SLC6A16: variants seen among roughly 807,000 people sequenced by gnomAD.
SLC6A16 encodes the protein solute carrier family 6 member 16.
In SLC6A16, 54 loss-of-function variants were observed where a neutral mutation model predicts 65.4. The observed-to-expected ratio is 0.83, with a 90% confidence interval of 0.66 to 1.04. SLC6A16 has a LOEUF of 1.04. SLC6A16 is among the 50% of genes least tolerant of loss of function. SLC6A16 has a pLI of 0.00. For synonymous variants in SLC6A16, 330 were observed against 346.5 expected, an observed-to-expected ratio of 0.95 and a Z score of 0.53; for missense variants, 816 against 914.0, an observed-to-expected ratio of 0.89 and a Z score of 1.38.
chr19:49,308,983 G>GGC lies in SLC6A16; in HGVS notation c.1120_1121dup (p.Phe375ProfsTer6). The GGC allele has an allele frequency of 6.2e-7, 1 of 1,614,200 alleles. No individual in the cohort carries two copies. The highest frequency in any genetic ancestry group is 1.1e-5 in the South Asian group (1 of 91,090). On this transcript the variant is annotated frameshift_variant, in exon 7 of 12. Coordinates refer to ENST00000335875, the MANE Select transcript of SLC6A16 (RefSeq NM_014037.3). LOFTEE classifies it high-confidence loss of function. ...GCAGGTTTATCACAGACACGAGAAA[G>GGC]GCATCACTGAGACAGTTGTTGGACT...
chr19:49,304,412 C>T (rs1359707317), intron 7 of SLC6A16, among the ~76,000 whole-genome samples: 2 of 152,216 alleles, frequency 1.3e-5, no homozygotes, highest in Non-Finnish European at 2.9e-5. Context: ...TTATCGATCT[C>T]TGTAGTCAAG....
At chr19:49,309,853 C>T (rs1423918267) in intron 4 of SLC6A16, 27 bp from the exon 5 acceptor site, 1 of 1,601,908 alleles carries the variant, frequency 6.2e-7, no homozygotes, top group Non-Finnish European at 8.5e-7. Context: ...TTAGACATGC[C>T]TGCTAGACAA....
chr19:49,312,148 C>T (rs1042299525), intron 1 of SLC6A16, among the ~76,000 whole-genome samples: 2 of 152,050 alleles, frequency 1.3e-5, no homozygotes, highest in Non-Finnish European at 2.9e-5. Flanking sequence ...TGAGCCACTG[C>T]ACCCAGCCTG....
intron 1 of SLC6A16, among the ~76,000 whole-genome samples, chr19:49,324,298 T>C: frequency 6.6e-6 from 1 of 152,150 alleles, no homozygotes; most frequent in East Asian, 1.9e-4. Flanking sequence ...GCCACTGCAC[T>C]CCAGCCTGGG....
chr19:49,317,714 G>T (rs1292146801), intron 1 of SLC6A16, among the ~76,000 whole-genome samples: 1 of 151,990 alleles, frequency 6.6e-6, no homozygotes. Context: ...GCTGTGGCAG[G>T]AGAATGGCGT....
the SLC6A16 span, among the ~76,000 whole-genome samples, chr19:49,333,565 G>T: frequency 6.6e-6 from 1 of 152,186 alleles, no homozygotes; most frequent in Non-Finnish European, 1.5e-5. Flanking sequence ...GTTTCAAAAA[G>T]ACCCCTCTGG....
Position 49,292,972 on chromosome 19 carries a change from A to C in SLC6A16, c.1778+251T>G, listed in dbSNP as rs1301127186. Among the ~76,000 whole-genome samples the C allele has an allele frequency of 6.6e-6, 1 of 152,198 alleles. No individual in the cohort carries two copies. The highest frequency in any genetic ancestry group is 2.4e-5 in the African/African-American group (1 of 41,438). ...TTGTCTCTCTAGACCACTAAAATGT[A>C]AGCTTTCTGAGAATAGGAATACTTC... On this transcript the variant is annotated intron_variant, in intron 10 of 11. Transcript: ENST00000335875. The surrounding 1 kb of genome is among the most constrained non-coding windows in gnomAD (Gnocchi z 4.3).
the SLC6A16 span, chr19:49,338,603 G>A: frequency 2.3e-6 from 2 of 870,320 alleles, no homozygotes; most frequent in East Asian, 4.9e-5. The surrounding 1 kb of genome is among the most constrained non-coding windows in gnomAD (Gnocchi z 5.0). Context: ...TTAGTCCCCT[G>A]CTCCCCGACC....
chr19:49,331,261 A>C, the SLC6A16 span, among the ~76,000 whole-genome samples: 1 of 152,026 alleles, frequency 6.6e-6, no homozygotes, highest in Non-Finnish European at 1.5e-5. Flanking sequence ...GCTCACTGCA[A>C]CTTCGATCTC....
chr19:49,334,358 C>T, the SLC6A16 span, among the ~76,000 whole-genome samples: 1 of 152,086 alleles, frequency 6.6e-6, no homozygotes, highest in Non-Finnish European at 1.5e-5. Context: ...TGGTGGTGTG[C>T]ACCTGTAGTC....
chr19:49,307,522 T>C (rs562575104), intron 7 of SLC6A16, among the ~76,000 whole-genome samples: 38 of 152,034 alleles, frequency 2.5e-4, no homozygotes, highest in Non-Finnish European at 4.3e-4. Context: ...ATGGTGGTTA[T>C]TTGTGAGGGT....
At chr19:49,309,237 T>G (rs1191675567) in intron 6 of SLC6A16, 64 bp downstream of exon 6, 1 of 1,572,650 alleles carries the variant, frequency 6.4e-7, no homozygotes, top group African/African-American at 1.4e-5. Flanking sequence ...GAAAGGAAGC[T>G]CTAAGAATAG....
intron 7 of SLC6A16, among the ~76,000 whole-genome samples, chr19:49,298,759 T>C (rs1164311378): frequency 6.6e-6 from 1 of 152,238 alleles, no homozygotes; most frequent in Non-Finnish European, 1.5e-5. Flanking sequence ...TGTACTCATA[T>C]GTTTATCACA....
Position 49,292,628 on chromosome 19 carries a change from C to T in SLC6A16, c.1778+595G>A, listed in dbSNP as rs774486400. Among the ~76,000 whole-genome samples the T allele has an allele frequency of 6.6e-6, 1 of 152,166 alleles. No individual in the cohort carries two copies. The highest frequency in any genetic ancestry group is 1.5e-5 in the Non-Finnish European group (1 of 68,042). Reference sequence around the variant, plus strand: ...TTGGCCACCATCACTTCTCTAGCCCCATCTCCTAATATCTTCTATTCCAGC... The same window carrying T: ...TTGGCCACCATCACTTCTCTAGCCCTATCTCCTAATATCTTCTATTCCAGC... On this transcript the variant is annotated intron_variant, in intron 10 of 11. Coordinates refer to ENST00000335875, the MANE Select transcript of SLC6A16 (RefSeq NM_014037.3). The surrounding 1 kb of genome is among the most constrained non-coding windows in gnomAD (Gnocchi z 4.3).
chr19:49,335,669 T>C, the SLC6A16 span: 1 of 1,611,380 alleles, frequency 6.2e-7, no homozygotes, highest in Non-Finnish European at 8.5e-7. The surrounding 1 kb of genome is among the most constrained non-coding windows in gnomAD (Gnocchi z 4.6). Context: ...CCAGCCCTCA[T>C]CTTCCCCTGT....
chr19:49,324,181 A>G (rs1292810023), intron 1 of SLC6A16, among the ~76,000 whole-genome samples: 2 of 152,100 alleles, frequency 1.3e-5, no homozygotes, highest in Non-Finnish European at 2.9e-5. Flanking sequence ...AATACAAAAA[A>G]TTAGCTGGGG....
chr19:49,311,536 A>T (rs1970522813), intron 1 of SLC6A16, 125 bp from the exon 2 acceptor site: 1 of 525,084 alleles, frequency 1.9e-6, no homozygotes, highest in Non-Finnish European at 3.2e-6. Context: ...AGCACAAAAA[A>T]ATCTCTTGCA....
chr19:49,309,177 A>G (rs1970456660), intron 6 of SLC6A16, 60 bp from the exon 7 acceptor site: 2 of 1,603,854 alleles, frequency 1.2e-6, no homozygotes. Flanking sequence ...GACAACTATA[A>G]TAGAAATGTT....
chr19:49,313,892 C>T lies in SLC6A16; in HGVS notation c.-64-2481G>A, dbSNP rs185806304. On this transcript the variant is annotated intron_variant, in intron 1 of 11. Coordinates refer to ENST00000335875, the MANE Select transcript of SLC6A16 (RefSeq NM_014037.3). ...GGTGGATCACCTGAGGTCAGGAGATCGAGACCATCCTGGCTAACACGGTGA... is the reference window on the plus strand; with the variant it reads ...GGTGGATCACCTGAGGTCAGGAGATTGAGACCATCCTGGCTAACACGGTGA... Among the ~76,000 whole-genome samples the T allele has an allele frequency of 6.1e-3, 922 of 152,022 alleles. 6 individuals are homozygous for T. The highest frequency in any genetic ancestry group is 9.8e-3 in the Non-Finnish European group (663 of 67,986).
Sources: allele counts gnomAD v4.1 joint callset (sites outside exome capture counted in the v4.1 genomes callset), GRCh38; gene constraint gnomAD v4.1.1; non-coding constraint Gnocchi (gnomAD v3.1); transcripts MANE v1.5; gene names NCBI Gene and HGNC (gene_info 2026-07-23, HGNC 2026-07-21).